The following CSMD1 variants were observed in gnomAD, a reference collection of about 807,000 sequenced individuals.
CSMD1 encodes the protein CUB and sushi domain-containing protein 1.
CSMD1 carries 213 observed loss-of-function variants against 417.5 expected under a neutral mutation model. That is an observed-to-expected ratio of 0.51 (90% CI 0.46 to 0.57). CSMD1 has a LOEUF of 0.57. Ranked by LOEUF, CSMD1 falls within the 20% of genes least tolerant of loss-of-function variation. The pLI is 0.00. For synonymous variants in CSMD1, 2,862 were observed against 1,736.8 expected (o/e 1.65, Z -16.11); for missense variants, 6,923 against 4,529.7 (o/e 1.53, Z -15.17).
intron 1 of CSMD1, among the ~76,000 whole-genome samples, chr8:4,707,798 A>G (rs974831955): frequency 1.3e-5 from 2 of 151,038 alleles, no homozygotes; most frequent in African/African-American, 2.4e-5. Flanking sequence ...GAAGCAGAAG[A>G]ATCGCTTGAA....
intron 3 of CSMD1, among the ~76,000 whole-genome samples, chr8:4,140,434 G>A (rs1372037880): frequency 6.6e-6 from 1 of 150,898 alleles, no homozygotes; most frequent in Non-Finnish European, 1.5e-5. Context: ...GGAAGTGGAG[G>A]TTGCCGTGAG....
intron 1 of CSMD1, among the ~76,000 whole-genome samples, chr8:4,694,003 C>T (rs1806952518): frequency 6.6e-6 from 1 of 152,198 alleles, no homozygotes; most frequent in Non-Finnish European, 1.5e-5. Flanking sequence ...AATCTCGGGA[C>T]CCCCAAATCA....
chr8:3,844,749 C>T (rs1368947737), intron 5 of CSMD1, among the ~76,000 whole-genome samples: 1 of 152,150 alleles, frequency 6.6e-6, no homozygotes, highest in Non-Finnish European at 1.5e-5. Context: ...ACAATGAGGT[C>T]ATGTGACCTC....
At chr8:3,886,831 G>C (rs1285605465) in intron 5 of CSMD1, among the ~76,000 whole-genome samples, 1 of 152,142 alleles carries the variant, frequency 6.6e-6, no homozygotes. Flanking sequence ...TTTGAACACA[G>C]ATCTAATTCA....
At chr8:4,085,382 G>C (rs1451249099) in intron 3 of CSMD1, among the ~76,000 whole-genome samples, 1 of 152,144 alleles carries the variant, frequency 6.6e-6, no homozygotes, top group Non-Finnish European at 1.5e-5. Flanking sequence ...AAGCTATATT[G>C]GAGAAGCTCC....
chr8:4,162,832 A>T (rs1797248270), intron 3 of CSMD1, among the ~76,000 whole-genome samples: 1 of 152,144 alleles, frequency 6.6e-6, no homozygotes, highest in African/African-American at 2.4e-5. Flanking sequence ...ATATAATGCT[A>T]TGTGTTCACC....
At chr8:3,744,486 T>C (rs1026793999) in intron 6 of CSMD1, among the ~76,000 whole-genome samples, 2 of 91,104 alleles carry the variant, frequency 2.2e-5, no homozygotes, top group African/African-American at 7.7e-5. Flanking sequence ...CTAAACTTTT[T>C]GGAGGCAAAA....
At chr8:3,268,683 T>C (rs958937219) in intron 26 of CSMD1, among the ~76,000 whole-genome samples, 1 of 152,156 alleles carries the variant, frequency 6.6e-6, no homozygotes. Flanking sequence ...TTAAAGACAT[T>C]GTGATAATCC....
chr8:4,437,865 C>A (rs969764999), intron 2 of CSMD1, among the ~76,000 whole-genome samples: 1 of 152,152 alleles, frequency 6.6e-6, no homozygotes, highest in Non-Finnish European at 1.5e-5. Context: ...TCACCTGCCT[C>A]ACTGGTGTAG....
At chr8:3,199,656 G>C (rs1796885653) in intron 33 of CSMD1, 58 bp downstream of exon 33, 5 of 1,114,156 alleles carry the variant, frequency 4.5e-6, no homozygotes, top group Non-Finnish European at 6.4e-6. Context: ...GACTAGCCGT[G>C]GGTGCAGCAT....
At chr8:4,862,393 A>G (rs1319155330) in intron 1 of CSMD1, among the ~76,000 whole-genome samples, 1 of 152,144 alleles carries the variant, frequency 6.6e-6, no homozygotes, top group Admixed American at 6.5e-5. Context: ...GTTCTTTCAA[A>G]GAATCACTGT....
chr8:4,185,701 G>A (rs1049075039), intron 3 of CSMD1, among the ~76,000 whole-genome samples: 3 of 152,144 alleles, frequency 2.0e-5, no homozygotes, highest in East Asian at 1.9e-4. Context: ...TTGAAGACAT[G>A]TACTGAAATA....
At chr8:3,686,282 T>G (rs1259840505) in intron 7 of CSMD1, among the ~76,000 whole-genome samples, 1 of 152,154 alleles carries the variant, frequency 6.6e-6, no homozygotes, top group Non-Finnish European at 1.5e-5. Context: ...AAAGGCAGTG[T>G]CAAGAGACGT....
rs965528297 is a variant in CSMD1, at chr8:4,548,122, G to T, written c.302+89220C>A. Among the ~76,000 whole-genome samples, 5 of 152,064 alleles carry T rather than the reference G, an allele frequency of 3.3e-5. No individual in the cohort carries two copies. In the South Asian group the frequency reaches 1.0e-3, roughly 31 times the overall value. On this transcript the variant is annotated intron_variant, in intron 2 of 69. Coordinates refer to ENST00000635120, the MANE Select transcript of CSMD1 (RefSeq NM_033225.6). ...GTTCTCATAGTTTATTTGCTTTGAT[G>T]ATGATACTGTTTTGGATGGTACCGA...
chr8:4,309,543 A>C (rs563490635), intron 3 of CSMD1, among the ~76,000 whole-genome samples: 179 of 152,274 alleles, frequency 1.2e-3, no homozygotes, highest in Non-Finnish European at 2.0e-3. Flanking sequence ...CAAAGTATAA[A>C]TCATAGGCTC....
At chr8:4,439,639 G>A (rs926768541) in intron 2 of CSMD1, among the ~76,000 whole-genome samples, 6 of 152,030 alleles carry the variant, frequency 3.9e-5, no homozygotes, top group African/African-American at 1.2e-4. Context: ...GCACCATAAG[G>A]CAAAATGGAA....
At chr8:3,971,165 G>C (rs1002543032) in intron 5 of CSMD1, among the ~76,000 whole-genome samples, 5 of 152,058 alleles carry the variant, frequency 3.3e-5, no homozygotes, top group African/African-American at 1.2e-4. Flanking sequence ...CTGCCTCCTG[G>C]CATGATGGAG....
Position 3,647,383 on chromosome 8 carries a change from A to G in CSMD1, c.1010-30586T>C, listed in dbSNP as rs927954555. Reference sequence around the variant, plus strand: ...CACGTAAAGTGAAATACAGCATAGAAAGAAATATAAAGAGAAATAGAACAC... The same window carrying G: ...CACGTAAAGTGAAATACAGCATAGAGAGAAATATAAAGAGAAATAGAACAC... On this transcript the variant is annotated intron_variant, in intron 7 of 69. Coordinates refer to ENST00000635120, the MANE Select transcript of CSMD1 (RefSeq NM_033225.6). Among the ~76,000 whole-genome samples the G allele has an allele frequency of 5.9e-4, 10 of 16,828 alleles. No homozygotes were observed. In the African/African-American group the frequency reaches 7.2e-3, roughly 12 times the overall value. 11.0% of individuals were successfully genotyped at this position (16,828 alleles called of 152,430 possible).
At chr8:3,657,172 C>G (rs1361471487) in intron 7 of CSMD1, among the ~76,000 whole-genome samples, 1 of 152,140 alleles carries the variant, frequency 6.6e-6, no homozygotes, top group Non-Finnish European at 1.5e-5. Flanking sequence ...AATTTACATC[C>G]TACAGGAAGA....
Sources: gnomAD v4.1 joint callset for allele counts (sites outside exome capture counted in the v4.1 genomes callset) on GRCh38, gnomAD v4.1.1 for gene constraint, MANE v1.5 for transcripts, NCBI Gene and HGNC (gene_info 2026-07-23, HGNC 2026-07-21) for gene names.